The following NELL1 variants were observed in gnomAD, a reference collection of about 807,000 sequenced individuals.
NELL1 encodes the protein protein kinase C-binding protein NELL1.
Under a neutral mutation model 107.4 loss-of-function variants are expected in NELL1, and 76 were observed. The ratio of observed to expected loss-of-function variants is 0.71; its 90% confidence interval spans 0.59 to 0.86. NELL1 has a LOEUF of 0.86. Among genes scored for constraint, NELL1 ranks in the 40% least tolerant of loss-of-function variants. The pLI is 0.00. For synonymous variants in NELL1, 353 were observed against 341.2 expected (o/e 1.03, Z -0.38); for missense variants, 1,024 against 1,005.5 (o/e 1.02, Z -0.25).
intron 14 of NELL1, among the ~76,000 whole-genome samples, chr11:21,329,371 A>T (rs1432773514): frequency 1.3e-5 from 2 of 152,090 alleles, no homozygotes; most frequent in Non-Finnish European, 2.9e-5. Context: ...TGTAAGTTTC[A>T]TGAGACCTCC....
chr11:21,223,036 G>C (rs1857798435), intron 13 of NELL1, among the ~76,000 whole-genome samples: 1 of 152,140 alleles, frequency 6.6e-6, no homozygotes, highest in South Asian at 2.1e-4. Flanking sequence ...TATTGTTCTG[G>C]AAATGTCTTT....
intron 2 of NELL1, among the ~76,000 whole-genome samples, chr11:20,727,970 G>T (rs1342413161): frequency 6.6e-6 from 1 of 152,058 alleles, no homozygotes; most frequent in African/African-American, 2.4e-5. Context: ...AGCATTTGTT[G>T]TTTTTTGGCT....
intron 7 of NELL1, 57 bp from the exon 8 acceptor site, chr11:20,927,251 T>C (rs1345336127): frequency 2.0e-6 from 3 of 1,531,976 alleles, no homozygotes; most frequent in Non-Finnish European, 2.6e-6. Flanking sequence ...GCTATTAGCT[T>C]TGTTAGGATG....
chr11:20,991,643 C>G (rs7936285), intron 12 of NELL1, among the ~76,000 whole-genome samples: 91 of 152,004 alleles, frequency 6.0e-4, no homozygotes, highest in African/African-American at 2.2e-3. Context: ...GGACGTGCCT[C>G]GGATTGGTCG....
At chr11:21,144,397 A>C (rs1241565328) in intron 13 of NELL1, among the ~76,000 whole-genome samples, 1 of 152,198 alleles carries the variant, frequency 6.6e-6, no homozygotes, top group African/African-American at 2.4e-5. Context: ...GCATGTTTAC[A>C]TCCCTGCATC....
At chr11:21,009,787 A>G (rs1166148832) in intron 12 of NELL1, among the ~76,000 whole-genome samples, 2 of 152,126 alleles carry the variant, frequency 1.3e-5, no homozygotes, top group Non-Finnish European at 2.9e-5. Flanking sequence ...CTTGAAGGGA[A>G]GGAAAAAATG....
intron 5 of NELL1, among the ~76,000 whole-genome samples, chr11:20,897,705 T>A (rs1395775728): frequency 6.6e-6 from 1 of 151,938 alleles, no homozygotes; most frequent in Non-Finnish European, 1.5e-5. Context: ...TACAATGAAC[T>A]CAAACAAATT....
Position 20,886,262 on chromosome 11 carries a change from A to T in NELL1, c.603+722A>T, listed in dbSNP as rs142271969. Among the ~76,000 whole-genome samples, 1,178 of 152,138 alleles carry T rather than the reference A, an allele frequency of 7.7e-3. 10 individuals carry two copies. The highest frequency in any genetic ancestry group is 0.024 in the African/African-American group (997 of 41,482). ...ACCCCCTACATCCAAAATTTTTTTT[A>T]AAAAAACTGCATTATTATACTTCAC... On this transcript the variant is annotated intron_variant, in intron 5 of 19. Transcript: ENST00000357134.
chr11:21,480,930 T>A (rs993878757), intron 15 of NELL1, among the ~76,000 whole-genome samples: 1 of 152,212 alleles, frequency 6.6e-6, no homozygotes, highest in Non-Finnish European at 1.5e-5. Context: ...TCACAACTTC[T>A]TTTCTGGTTT....
intron 3 of NELL1, among the ~76,000 whole-genome samples, chr11:20,813,946 A>G (rs1054166936): frequency 6.6e-6 from 1 of 151,732 alleles, no homozygotes; most frequent in Non-Finnish European, 1.5e-5. Context: ...TTCAACTTTT[A>G]TTAATTTAAT....
chr11:21,337,572 A>C (rs1256950563), intron 14 of NELL1, among the ~76,000 whole-genome samples: 2 of 152,248 alleles, frequency 1.3e-5, no homozygotes, highest in African/African-American at 4.8e-5. Flanking sequence ...ATTGGCTAGA[A>C]TTAGTCACAT....
At chr11:20,778,498 C>CTTTTTT (rs1161737750) in intron 2 of NELL1, among the ~76,000 whole-genome samples, 77 of 73,000 alleles carry the variant, frequency 1.1e-3, no homozygotes, top group Non-Finnish European at 1.5e-3. Context: ...TCACCCAGCA[C>CTTTTTT]TTTTTTTTTT....
At chr11:21,437,586 C>G (rs866908428) in intron 15 of NELL1, among the ~76,000 whole-genome samples, 1 of 152,124 alleles carries the variant, frequency 6.6e-6, no homozygotes, top group African/African-American at 2.4e-5. Flanking sequence ...CTCGAACTCC[C>G]GACCTCAATT....
At chr11:21,401,439 C>T (rs1312924695) in intron 15 of NELL1, among the ~76,000 whole-genome samples, 8 of 151,824 alleles carry the variant, frequency 5.3e-5, no homozygotes, top group African/African-American at 1.9e-4. Context: ...CTAAAGCCCA[C>T]GTGAGAACTG....
At chr11:21,222,242 C>T (rs890570566) in intron 13 of NELL1, among the ~76,000 whole-genome samples, 8 of 151,942 alleles carry the variant, frequency 5.3e-5, no homozygotes, top group South Asian at 2.1e-4. Context: ...GGCAGTGGTG[C>T]GATCTTGGCT....
chr11:21,423,233 G>A (rs1852734976), intron 15 of NELL1, among the ~76,000 whole-genome samples: 1 of 151,976 alleles, frequency 6.6e-6, no homozygotes, highest in South Asian at 2.1e-4. Flanking sequence ...AGCTGGGTGT[G>A]GTGGTGTGCA....
chr11:20,731,322 C>T (rs1374304640), intron 2 of NELL1, among the ~76,000 whole-genome samples: 2 of 152,198 alleles, frequency 1.3e-5, no homozygotes, highest in African/African-American at 4.8e-5. Flanking sequence ...CAAATTAAGA[C>T]CACATAGGAA....
At chr11:21,218,132 T>G (rs1565116055) in intron 13 of NELL1, among the ~76,000 whole-genome samples, 1 of 152,178 alleles carries the variant, frequency 6.6e-6, no homozygotes, top group Non-Finnish European at 1.5e-5. Flanking sequence ...ATAGCCAAAC[T>G]TAGGTTATAC....
At chr11:20,684,168 G>T (rs975067617) in intron 2 of NELL1, among the ~76,000 whole-genome samples, 12 of 151,666 alleles carry the variant, frequency 7.9e-5, no homozygotes, top group African/African-American at 2.9e-4. Context: ...TACTTTGGGA[G>T]GTTTGAGGCA....
Sources: allele counts gnomAD v4.1 joint callset (sites outside exome capture counted in the v4.1 genomes callset), GRCh38; gene constraint gnomAD v4.1.1; transcripts MANE v1.5; gene names NCBI Gene and HGNC (gene_info 2026-07-23, HGNC 2026-07-21).